LONP1: variants seen among roughly 807,000 people sequenced by gnomAD.
LONP1 encodes lon peptidase 1, mitochondrial.
Under a neutral mutation model 98.5 loss-of-function variants are expected in LONP1, and 31 were observed. The observed-to-expected ratio is 0.31, with a 90% CI of 0.24 to 0.42. LONP1 has a LOEUF of 0.42. Ranked by LOEUF, LONP1 falls within the 20% of genes least tolerant of loss-of-function variation. LONP1 has a pLI of 1.00. For missense variants in LONP1, 1,336 were observed against 1,350.6 expected, an observed-to-expected ratio of 0.99 and a Z score of 0.17; for synonymous variants, 781 against 594.7, an observed-to-expected ratio of 1.31 and a Z score of -4.56.
intron 5 of LONP1, 41 bp downstream of exon 5, chr19:5,708,301 G>A (rs752340426): frequency 1.9e-6 from 3 of 1,592,830 alleles, no homozygotes; most frequent in Non-Finnish European, 1.7e-6. Flanking sequence ...AAGAGCTGCA[G>A]AGATGCCCCC....
intron 1 of LONP1, among the ~76,000 whole-genome samples, chr19:5,716,261 T>TAC (rs1242872085): frequency 8.3e-4 from 17 of 20,502 alleles, no homozygotes; most frequent in African/African-American, 3.4e-3. Context: ...AAAATATACA[T>TAC]ATATATATAT....
Position 5,711,789 on chromosome 19 carries a change from C to CTGGA in LONP1, c.848_851dup (p.Gln284HisfsTer63). 6.2e-7 allele frequency: 1 copy of CTGGA among 1,610,260 alleles called. No homozygotes were observed. The highest frequency in any genetic ancestry group is 8.5e-7 in the Non-Finnish European group (1 of 1,177,906). On this transcript the variant is annotated frameshift_variant, in exon 4 of 18. Coordinates refer to ENST00000360614, the MANE Select transcript of LONP1 (RefSeq NM_004793.4). LOFTEE classifies it high-confidence loss of function. ...GACTCACTTTCACCTCCTCCGTGAC[C>CTGGA]TGGAAGTCCTCGTGGACAACGTTCT...
In LONP1 at chr19:5,712,327, T is replaced by C. The variant is rs1226688500; in HGVS notation, c.639-325A>G. 9.9e-6 allele frequency: 3 copies of C among 303,896 alleles called. No individual in the cohort carries two copies. The East Asian group carries it at 2.4e-4, about 24-fold the overall frequency. The allele number at this position is 303,896 out of a possible 1,614,324, so 18.8% of individuals were successfully genotyped here. A position where few individuals can be genotyped will look rare whatever the true frequency, so the allele number is the denominator to read the frequency against. On this transcript the variant is annotated intron_variant, in intron 3 of 17. Coordinates refer to ENST00000360614, the MANE Select transcript of LONP1 (RefSeq NM_004793.4). ...CCTCCTGTCGAAAACGGTGTCAGCC[T>C]GGCCGGGCACAGGCTGGTCTCCAAG...
At chr19:5,698,902 A>G (rs762765403) in intron 10 of LONP1, 125 bp downstream of exon 10, 228 of 993,806 alleles carry the variant, frequency 2.3e-4, no homozygotes, top group Admixed American at 1.0e-3. Context: ...TTACTCCAGC[A>G]TGAGTGGAAT....
intron 8 of LONP1, among the ~76,000 whole-genome samples, chr19:5,703,180 CAAAAAAA>C (rs35471644): frequency 1.3e-5 from 1 of 77,104 alleles, no homozygotes; most frequent in Admixed American, 1.5e-4. Flanking sequence ...GACTCCATCT[CAAAAAAA>C]AAAAAAAAAA....
rs1011177953 is a variant in LONP1, at chr19:5,693,421, G to A, written c.2580C>T (p.Ile860=). The A allele has an allele frequency of 4.3e-6, 7 of 1,612,492 alleles. No homozygotes were observed. Among genetic ancestry groups the A allele is most frequent in the South Asian group, 2.2e-5 (2 of 91,070 alleles). ...PKDGPSAGCT[I]VTALLSLAMG... is the part of the protein sequence containing the mutation. ...TGGCCAGGGACAGCAGGGCCGTGAC[G>A]ATGGTGCAGCCTGCGCTTGGGCCGT... Residue 860 remains isoleucine (I), a synonymous_variant, in exon 17 of 18, where the codon ATC becomes ATT. Transcript: ENST00000360614.
chr19:5,704,660 G>T (rs2055114702), intron 8 of LONP1, among the ~76,000 whole-genome samples: 1 of 152,228 alleles, frequency 6.6e-6, no homozygotes, highest in South Asian at 2.1e-4. Flanking sequence ...GCTGGACATG[G>T]GCATGGCTGA....
chr19:5,720,201 C>A, upstream of LONP1: 1 of 1,383,756 alleles, frequency 7.2e-7, no homozygotes, highest in East Asian at 2.9e-5. Flanking sequence ...ACGTGACGCC[C>A]GGCGCGTGCC....
At position 5,691,976 on chromosome 19, in the gene LONP1, T is replaced by TCAGTTCTGGCCCAGACAGGGCCTGACATC. The variant is rs3835296; in HGVS notation, c.*27_*55dup. The TCAGTTCTGGCCCAGACAGGGCCTGACATC allele has an allele frequency of 0.29, 437,788 of 1,531,706 alleles. 67,672 individuals carry two copies. The highest frequency in any genetic ancestry group is 0.32 in the Non-Finnish European group (360,356 of 1,131,884). The allele number at this position is 1,531,706 out of a possible 1,614,324, so 94.9% of individuals were successfully genotyped here. ...GGTCCGGGCGCGCTCCCCACAGCGC[T>TCAGTTCTGGCCCAGACAGGGCCTGACATC]CAGTTCTGGCCCAGACAGGGCCTGA... On this transcript the variant is annotated 3_prime_UTR_variant, in exon 18 of 18. Transcript: ENST00000360614.
intron 11 of LONP1, 136 bp from the exon 12 acceptor site, chr19:5,696,507 C>A (rs1015872970): frequency 3.7e-6 from 5 of 1,340,628 alleles, no homozygotes; most frequent in Non-Finnish European, 5.1e-6. Flanking sequence ...GGGCAGCCTG[C>A]TGGGCGTGGC....
chr19:5,719,044 TC>T (rs1309434080), intron 1 of LONP1, among the ~76,000 whole-genome samples: 1 of 152,192 alleles, frequency 6.6e-6, no homozygotes, highest in African/African-American at 2.4e-5. Context: ...GCCTGTCTCA[TC>T]CTGCCAAAAT....
rs756614133 is a variant in LONP1, at chr19:5,705,973, T to G, written c.1166A>C (p.Gln389Pro). 2 of 1,612,494 alleles carry G rather than the reference T, an allele frequency of 1.2e-6. No homozygotes were observed. The highest frequency in any genetic ancestry group is 3.3e-5 in the Admixed American group (2 of 60,016). Residue 389 changes from glutamine (Q) to proline (P), a missense_variant, in exon 8 of 18, where the codon CAG (glutamine) becomes CCG (proline). Physicochemically the swap from Gln to Pro is moderately conservative, Grantham distance 76. Coordinates refer to ENST00000360614, the MANE Select transcript of LONP1 (RefSeq NM_004793.4). ...LGREVEEKIK[Q>P]THRKYLLQEQ... ...CTGCAGCAGGTACTTACGGTGGGTC[T>G]GCTTGATCTTCTCCTCCACCTGTGG... is the stretch of plus-strand genomic sequence containing the variant.
rs141166437 is a variant in LONP1, at chr19:5,701,212, G to A, written c.1368-285C>T. ...TGTAATCCCAGAATTTTGGGAGGCC[G>A]AGGCAGGCGGATCACAAGGTCAGGA... On this transcript the variant is annotated intron_variant, in intron 8 of 17. Transcript: ENST00000360614. 9.8e-3 allele frequency among the ~76,000 whole-genome samples: 1,495 copies of A among 152,328 alleles called. 15 individuals carry two copies. Among genetic ancestry groups the A allele is most frequent in the Middle Eastern group, 0.02 (6 of 294 alleles).
intron 7 of LONP1, 114 bp from the exon 8 acceptor site, chr19:5,706,106 G>A (rs188172674): frequency 1.9e-5 from 13 of 695,770 alleles, no homozygotes; most frequent in African/African-American, 1.1e-4. Flanking sequence ...GAAAAGAAAC[G>A]AAACCCAGAG....
At position 5,696,428 on chromosome 19, in the gene LONP1, G is replaced by GTGGGGAGACCCCAGGGTCAGGGC. The variant is rs565833271; in HGVS notation, c.1774-80_1774-58dup. The GTGGGGAGACCCCAGGGTCAGGGC allele has an allele frequency of 1.1e-4, 182 of 1,590,858 alleles. 2 individuals are homozygous for GTGGGGAGACCCCAGGGTCAGGGC. The East Asian group carries it at 3.9e-3, about 34-fold the overall frequency. On this transcript the variant is annotated intron_variant, in intron 11 of 17. Coordinates refer to ENST00000360614, the MANE Select transcript of LONP1 (RefSeq NM_004793.4). Reference sequence around the variant, plus strand: ...GCCGTGCCCCTGGCCAGCCCGCCCAGTGGGGAGACCCCAGGGTCAGGGCTG... The same window carrying GTGGGGAGACCCCAGGGTCAGGGC: ...GCCGTGCCCCTGGCCAGCCCGCCCAGTGGGGAGACCCCAGGGTCAGGGCTGGGGAGACCCCAGGGTCAGGGCTG...
intron 10 of LONP1, among the ~76,000 whole-genome samples, chr19:5,697,801 T>C (rs2054968195): frequency 6.6e-6 from 1 of 151,734 alleles, no homozygotes; most frequent in Non-Finnish European, 1.5e-5. Context: ...ACGCCTGCCC[T>C]CCCCGCAGCC....
chr19:5,703,121 C>T (rs2055085846), intron 8 of LONP1, among the ~76,000 whole-genome samples: 1 of 146,386 alleles, frequency 6.8e-6, no homozygotes, highest in South Asian at 2.1e-4. Flanking sequence ...GCGGAGCTTG[C>T]AGTGAGCCGA....
In LONP1 at chr19:5,705,874, C is replaced by CG; in HGVS notation, c.1264dup (p.Arg422ProfsTer87). The CG allele has an allele frequency of 6.2e-7, 1 of 1,614,166 alleles. No individual in the cohort carries two copies. On this transcript the variant is annotated frameshift_variant, in exon 8 of 18. Transcript: ENST00000360614. LOFTEE classifies it high-confidence loss of function. ...GACCACGAGCTCCTTCAGGCGCTCC[C>CG]GGAACTTCTCCTCGATGGCATCCTT...
chr19:5,696,639 T>C, intron 11 of LONP1, 31 bp downstream of exon 11: 1 of 1,599,298 alleles, frequency 6.3e-7, no homozygotes, highest in Non-Finnish European at 8.6e-7. Flanking sequence ...CATTGCCGGG[T>C]TAGGGGGTCT....
Sources: allele counts gnomAD v4.1 joint callset (sites outside exome capture counted in the v4.1 genomes callset), GRCh38; gene constraint gnomAD v4.1.1; transcripts MANE v1.5; gene names NCBI Gene and HGNC (gene_info 2026-07-23, HGNC 2026-07-21).